ZNF704: variants seen among roughly 807,000 people sequenced by gnomAD.
ZNF704 encodes zinc finger protein 704.
ZNF704 carries 10 observed loss-of-function variants against 44.7 expected under a neutral mutation model. The observed-to-expected ratio is 0.22, with a 90% confidence interval of 0.14 to 0.38. The LOEUF is 0.38. Ranked by LOEUF, ZNF704 falls within the 10% of genes least tolerant of loss-of-function variation. The probability of loss-of-function intolerance (pLI) is 1.00; values close to 1 mark genes in which losing one functional copy is unlikely to be tolerated. For synonymous variants in ZNF704, 211 were observed against 207.6 expected (o/e 1.02, Z -0.14); for missense variants, 390 against 545.5 (o/e 0.71, Z 2.84).
intron 1 of ZNF704, among the ~76,000 whole-genome samples, chr8:80,840,339 AT>A (rs1808656701): frequency 6.6e-6 from 1 of 152,032 alleles, no homozygotes; most frequent in African/African-American, 2.4e-5. Context: ...GTGTGTTTTT[AT>A]TTTAGCTCAT....
chr8:80,745,912 G>A (rs1044340629), intron 2 of ZNF704, among the ~76,000 whole-genome samples: 9 of 152,056 alleles, frequency 5.9e-5, no homozygotes, highest in African/African-American at 1.9e-4. Context: ...CATCAAAATC[G>A]TCTCAACTAC....
chr8:80,687,976 T>C (rs1225899569), intron 3 of ZNF704, among the ~76,000 whole-genome samples: 3 of 151,990 alleles, frequency 2.0e-5, no homozygotes, highest in Non-Finnish European at 4.4e-5. Flanking sequence ...GAGGCTGAGG[T>C]AGGAGGATCG....
At chr8:80,773,847 A>T (rs1254451359) in intron 2 of ZNF704, among the ~76,000 whole-genome samples, 1 of 152,142 alleles carries the variant, frequency 6.6e-6, no homozygotes, top group East Asian at 1.9e-4. Flanking sequence ...TGTTCATTGA[A>T]GCATTTTTAT....
At position 80,630,173 on chromosome 8, in the gene ZNF704, G is replaced by C. The variant is rs1294068204; in HGVS notation, c.*11193C>G. On this transcript the variant is annotated 3_prime_UTR_variant, in exon 9 of 9. Transcript: ENST00000327835. ...CGATACAAAATACATGCTACTCTTT[G>C]AAAATGCATAGTTTATAATTTTATA... 1 of 152,164 alleles carries C rather than the reference G, an allele frequency of 6.6e-6. No homozygotes were observed. Among genetic ancestry groups the C allele is most frequent in the Non-Finnish European group, 1.5e-5 (1 of 68,020 alleles). The allele number at this position is 152,164 out of a possible 1,614,324, so 9.4% of individuals were successfully genotyped here.
At position 80,687,472 on chromosome 8, in the gene ZNF704, A is replaced by G; in HGVS notation, c.326-14T>C. On this transcript the variant is annotated splice_polypyrimidine_tract_variant and intron_variant, in intron 3 of 8. Transcript: ENST00000327835. ...CGCTGAGGCTCTCTGCATGCACACAAACACAGTCAGTGCCAGGACCCCTGC... is the reference window on the plus strand; with the variant it reads ...CGCTGAGGCTCTCTGCATGCACACAGACACAGTCAGTGCCAGGACCCCTGC... The G allele has an allele frequency of 1.3e-6, 2 of 1,514,930 alleles. No homozygotes were observed. Among genetic ancestry groups the G allele is most frequent in the Non-Finnish European group, 1.8e-6 (2 of 1,129,082 alleles). The allele number at this position is 1,514,930 out of a possible 1,614,324, so 93.8% of individuals were successfully genotyped here.
intron 2 of ZNF704, among the ~76,000 whole-genome samples, chr8:80,815,240 A>G (rs1238662323): frequency 6.6e-6 from 1 of 152,218 alleles, no homozygotes; most frequent in African/African-American, 2.4e-5. Flanking sequence ...ACCACAAACT[A>G]ACAATCTGTA....
At chr8:80,669,255 T>C (rs1179139598) in intron 5 of ZNF704, among the ~76,000 whole-genome samples, 1 of 152,218 alleles carries the variant, frequency 6.6e-6, no homozygotes, top group Non-Finnish European at 1.5e-5. Context: ...CTGAGCTGCT[T>C]ACATTGTGAA....
upstream of ZNF704, among the ~76,000 whole-genome samples, chr8:80,875,456 C>T (rs1809344070): frequency 6.6e-6 from 1 of 152,106 alleles, no homozygotes; most frequent in Non-Finnish European, 1.5e-5. Context: ...AGGCGCGCTC[C>T]ACCATGCCAT....
chr8:80,733,163 G>C (rs1001967830), intron 2 of ZNF704, among the ~76,000 whole-genome samples: 9 of 152,022 alleles, frequency 5.9e-5, no homozygotes, highest in Non-Finnish European at 1.2e-4. Context: ...GTTTATTTTG[G>C]TAGTTTCAAG....
intron 2 of ZNF704, among the ~76,000 whole-genome samples, chr8:80,698,742 C>T (rs1305213643): frequency 2.0e-5 from 3 of 152,198 alleles, no homozygotes; most frequent in East Asian, 1.9e-4. Context: ...CAGCGCAGTG[C>T]GCAGCATCAG....
intron 7 of ZNF704, among the ~76,000 whole-genome samples, chr8:80,644,581 G>A (rs562166128): frequency 1.3e-4 from 20 of 151,974 alleles, no homozygotes; most frequent in African/African-American, 3.6e-4. Context: ...TACAACACCC[G>A]GCAGGAAAAA....
chr8:80,665,052 T>C lies in ZNF704; in HGVS notation c.690A>G (p.Gly230=). The change falls in exon 6 of 9, where the codon GGA becomes GGG. Residue 230 remains glycine (G), a synonymous_variant. Coordinates refer to ENST00000327835, the MANE Select transcript of ZNF704 (RefSeq NM_001033723.3). ...GRVGDSDYSD[G]EEDFYYTEIK... ...TCTCAGTGTAGTAAAAGTCCTCTTC[T>C]CCATCACTGTAGTCAGAGTCTCCAA... is the stretch of plus-strand genomic sequence containing the variant. The C allele has an allele frequency of 6.2e-7, 1 of 1,614,202 alleles. No individual in the cohort carries two copies. Among genetic ancestry groups the C allele is most frequent in the Non-Finnish European group, 8.5e-7 (1 of 1,180,026 alleles).
chr8:80,741,073 C>T (rs891086006), intron 2 of ZNF704, among the ~76,000 whole-genome samples: 1 of 152,254 alleles, frequency 6.6e-6, no homozygotes, highest in African/African-American at 2.4e-5. Context: ...ATGTATCCAG[C>T]ATATACTGGC....
intron 1 of ZNF704, among the ~76,000 whole-genome samples, chr8:80,849,801 G>T (rs989439946): frequency 6.6e-6 from 1 of 152,148 alleles, no homozygotes; most frequent in Non-Finnish European, 1.5e-5. Flanking sequence ...AAGGTTTTAT[G>T]ATAGTTTTTT....
At chr8:80,806,026 T>C (rs571850901) in intron 2 of ZNF704, among the ~76,000 whole-genome samples, 1 of 152,270 alleles carries the variant, frequency 6.6e-6, no homozygotes, top group East Asian at 1.9e-4. Context: ...ACATTCCAGC[T>C]TGGTGAAGCA....
chr8:80,757,712 C>T (rs1467904929), intron 2 of ZNF704, among the ~76,000 whole-genome samples: 1 of 152,068 alleles, frequency 6.6e-6, no homozygotes, highest in Non-Finnish European at 1.5e-5. Context: ...ATTTTTAATC[C>T]TTTATATTTT....
intron 2 of ZNF704, among the ~76,000 whole-genome samples, chr8:80,758,712 T>C (rs1336717732): frequency 6.6e-6 from 1 of 152,216 alleles, no homozygotes; most frequent in Non-Finnish European, 1.5e-5. Context: ...CCTTGCATTT[T>C]ATCAATTCTA....
intron 2 of ZNF704, among the ~76,000 whole-genome samples, chr8:80,736,746 T>C (rs1327583696): frequency 6.6e-6 from 1 of 152,136 alleles, no homozygotes; most frequent in African/African-American, 2.4e-5. Context: ...GGGTATAGTG[T>C]ACACTGCTTG....
At chr8:80,736,226 C>T (rs937275302) in intron 2 of ZNF704, among the ~76,000 whole-genome samples, 11 of 152,188 alleles carry the variant, frequency 7.2e-5, no homozygotes, top group African/African-American at 2.7e-4. Flanking sequence ...AGAAATATAA[C>T]TTTCTACTCC....
Sources: gnomAD v4.1 joint callset for allele counts (sites outside exome capture counted in the v4.1 genomes callset) on GRCh38, gnomAD v4.1.1 for gene constraint, MANE v1.5 for transcripts, NCBI Gene and HGNC (gene_info 2026-07-23, HGNC 2026-07-21) for gene names.